The following TBXAS1 variants were observed in gnomAD, a reference collection of about 807,000 sequenced individuals.
The protein encoded by TBXAS1 is thromboxane-A synthase.
A neutral mutation model predicts 60.7 loss-of-function variants in TBXAS1; 48 were observed. That is an observed-to-expected ratio of 0.79 (90% CI 0.63 to 1.01). The LOEUF is 1.01. Ranked by LOEUF, TBXAS1 falls within the 50% of genes least tolerant of loss-of-function variation. The probability of loss-of-function intolerance (pLI) is 0.00; values close to 1 mark genes in which losing one functional copy is unlikely to be tolerated. For synonymous variants in TBXAS1, 287 were observed against 269.7 expected (o/e 1.06, Z -0.63); for missense variants, 685 against 686.3 (o/e 1.00, Z 0.02).
chr7:139,866,714 CACCACTGCACT>C (rs1375319198), intron 1 of TBXAS1, among the ~76,000 whole-genome samples: 5 of 151,692 alleles, frequency 3.3e-5, no homozygotes, highest in African/African-American at 1.2e-4. Flanking sequence ...GCTGAAATCA[CACCACTGCACT>C]CCAGCTTGGG....
At chr7:139,791,477 G>A (rs1054229184) in intron 4 of TBXAS1, among the ~76,000 whole-genome samples, 1 of 152,154 alleles carries the variant, frequency 6.6e-6, no homozygotes, top group Non-Finnish European at 1.5e-5. Context: ...CAGTGACATG[G>A]CTACCTCTAA....
intron 4 of TBXAS1, chr7:139,913,044 A>C (rs1385612240): frequency 2.9e-6 from 2 of 690,176 alleles, no homozygotes; most frequent in Non-Finnish European, 5.3e-6. Context: ...ACTCACCCAA[A>C]ATTTGCTCAT....
intron 5 of TBXAS1, among the ~76,000 whole-genome samples, chr7:139,946,934 C>T (rs546521593): frequency 3.3e-4 from 50 of 152,250 alleles, no homozygotes; most frequent in African/African-American, 9.4e-4. Context: ...CCAACAAGGT[C>T]GGAATCTTAC....
intron 4 of TBXAS1, among the ~76,000 whole-genome samples, chr7:139,787,714 A>G (rs769357749): frequency 3.9e-5 from 6 of 152,156 alleles, no homozygotes; most frequent in Non-Finnish European, 5.9e-5. Context: ...TCATATTGCA[A>G]CTTGCCCCTC....
intron 9 of TBXAS1, among the ~76,000 whole-genome samples, chr7:139,968,754 T>C (rs1338709621): frequency 6.6e-6 from 1 of 152,218 alleles, no homozygotes; most frequent in Non-Finnish European, 1.5e-5. Flanking sequence ...CCCCAATCTC[T>C]TGGAGAAGTC....
At chr7:139,905,035 CTTTCTT>C (rs1804920197) in intron 3 of TBXAS1, among the ~76,000 whole-genome samples, 2 of 86,636 alleles carry the variant, frequency 2.3e-5, no homozygotes, top group African/African-American at 1.1e-4. Flanking sequence ...TTCTTTCTTT[CTTTCTT>C]TCTTTCTTTC....
Position 139,829,375 on chromosome 7 carries a change from G to A in TBXAS1, c.-16G>A. 6.2e-7 allele frequency: 1 copy of A among 1,610,916 alleles called. No homozygotes were observed. The highest frequency in any genetic ancestry group is 1.1e-5 in the South Asian group (1 of 90,410). On this transcript the variant is annotated 5_prime_UTR_variant, in exon 1 of 13. Transcript: ENST00000448866. ...TCTCATCTGGAAGACCACCACTCTG[G>A]GGTCTCAGAGGAATGATGGAAGCCT...
chr7:139,986,313 A>G (rs1016511777), intron 9 of TBXAS1, among the ~76,000 whole-genome samples: 1 of 152,184 alleles, frequency 6.6e-6, no homozygotes, highest in Non-Finnish European at 1.5e-5. Flanking sequence ...CACACAGCTG[A>G]GAAGTGGTGA....
At chr7:139,913,047 T>G (rs1805662780) in intron 4 of TBXAS1, 1 of 690,018 alleles carries the variant, frequency 1.4e-6, no homozygotes, top group African/African-American at 1.8e-5. Flanking sequence ...CACCCAAAAT[T>G]TGCTCATCTT....
At chr7:139,827,499 G>A (rs777581854), upstream of TBXAS1, among the ~76,000 whole-genome samples, 7 of 151,734 alleles carry the variant, frequency 4.6e-5, no homozygotes, top group South Asian at 4.1e-4. Flanking sequence ...TGCATTCATC[G>A]GGCTCTTTGT....
At chr7:140,005,177 C>T (rs1380143259) in intron 9 of TBXAS1, among the ~76,000 whole-genome samples, 1 of 152,220 alleles carries the variant, frequency 6.6e-6, no homozygotes, top group Non-Finnish European at 1.5e-5. Flanking sequence ...GCCTGTAACT[C>T]CAGCACTTTG....
upstream of TBXAS1, among the ~76,000 whole-genome samples, chr7:139,828,859 T>C (rs558856254): frequency 4.6e-5 from 7 of 152,322 alleles, no homozygotes; most frequent in South Asian, 1.5e-3. Context: ...GCAGCCAGCA[T>C]TTTGATCAGG....
Position 139,843,496 on chromosome 7 carries a change from C to T in TBXAS1, c.89+14017C>T, listed in dbSNP as rs915469189. The stretch of plus-strand genomic sequence containing the variant: ...TAGCTGGGGCTACAGGTGCGTGCCA[C>T]CATACCCAGCTAATTTTTGTATCTT... On this transcript the variant is annotated intron_variant, in intron 1 of 12. Coordinates refer to ENST00000448866, the MANE Select transcript of TBXAS1 (RefSeq NM_001061.7). Among the ~76,000 whole-genome samples, 4 of 152,092 alleles carry T rather than the reference C, an allele frequency of 2.6e-5. No individual in the cohort carries two copies. In the East Asian group the frequency reaches 7.7e-4, roughly 29 times the overall value.
chr7:140,011,850 A>ATC (rs1554508620), intron 10 of TBXAS1, among the ~76,000 whole-genome samples: 2 of 152,082 alleles, frequency 1.3e-5, no homozygotes, highest in African/African-American at 4.8e-5. Flanking sequence ...ATATATATAT[A>ATC]TCCACAATGA....
At chr7:139,832,357 A>C (rs955115183) in intron 1 of TBXAS1, among the ~76,000 whole-genome samples, 1 of 152,232 alleles carries the variant, frequency 6.6e-6, no homozygotes, top group African/African-American at 2.4e-5. Flanking sequence ...TAGAAGAAGG[A>C]AATTCAGAGC....
chr7:139,996,133 A>AC (rs1223263738), intron 9 of TBXAS1, among the ~76,000 whole-genome samples: 2 of 136,218 alleles, frequency 1.5e-5, no homozygotes, highest in African/African-American at 2.7e-5. Flanking sequence ...CATGTCTGGC[A>AC]TTTTTTTTTT....
At chr7:139,944,836 G>A (rs1808574883) in intron 5 of TBXAS1, among the ~76,000 whole-genome samples, 1 of 152,182 alleles carries the variant, frequency 6.6e-6, no homozygotes, top group South Asian at 2.1e-4. Flanking sequence ...CTCTGTGTAG[G>A]AAATATGTTT....
At chr7:139,949,123 G>C (rs1040830332) in intron 5 of TBXAS1, among the ~76,000 whole-genome samples, 2 of 152,188 alleles carry the variant, frequency 1.3e-5, no homozygotes, top group African/African-American at 4.8e-5. Context: ...AGACCCGATG[G>C]TGGGCAGCTG....
chr7:139,963,729 T>A lies in TBXAS1; in HGVS notation c.1134+1496T>A, dbSNP rs184483915. On this transcript the variant is annotated intron_variant, in intron 9 of 12. Transcript: ENST00000448866. ...ATAACAGAACCCCAACCCAACTGAT[T>A]TAAGCAAAACAAAAACAAAAAGTAA... is the stretch of plus-strand genomic sequence containing the variant. Among the ~76,000 whole-genome samples the A allele has an allele frequency of 1.0e-3, 156 of 152,170 alleles. No homozygotes were observed. The Middle Eastern group carries it at 0.031, about 30-fold the overall frequency.
Sources: gnomAD v4.1 joint callset for allele counts (sites outside exome capture counted in the v4.1 genomes callset) on GRCh38, gnomAD v4.1.1 for gene constraint, MANE v1.5 for transcripts, NCBI Gene and HGNC (gene_info 2026-07-23, HGNC 2026-07-21) for gene names.